WSCD1: variants seen among roughly 807,000 people sequenced by gnomAD.
WSCD1 encodes WSC domain sialate O sulfotransferase 1.
In WSCD1, 41 loss-of-function variants were observed where a neutral mutation model predicts 60.4. The observed-to-expected ratio is 0.68, with a 90% CI of 0.53 to 0.88. The LOEUF (loss-of-function observed/expected upper bound fraction) is 0.88. Ranked by LOEUF, WSCD1 falls within the 40% of genes least tolerant of loss-of-function variation. WSCD1 has a pLI of 0.00. For missense variants in WSCD1, 784 were observed against 796.2 expected (o/e 0.98, Z 0.18); for synonymous variants, 361 against 332.5 (o/e 1.09, Z -0.93).
Position 6,120,592 on chromosome 17 carries a change from C to A in WSCD1, c.1659C>A (p.Ile553=), listed in dbSNP as rs749964115. The change falls in exon 9 of 9, where the codon ATC becomes ATA. Residue 553 remains isoleucine, a synonymous_variant. Coordinates refer to ENST00000317744, the MANE Select transcript of WSCD1 (RefSeq NM_015253.2). ...PEMKDLINGY[I]RTVDQALRDH... ...TGAAAGACTTGATCAATGGCTACATCCGGACGGTGGACCAAGCCCTGCGTG... is the reference window on the plus strand; with the variant it reads ...TGAAAGACTTGATCAATGGCTACATACGGACGGTGGACCAAGCCCTGCGTG... 17 of 1,613,496 alleles carry A rather than the reference C, an allele frequency of 1.1e-5. No homozygotes were observed. Among genetic ancestry groups the A allele is most frequent in the Non-Finnish European group, 1.4e-5 (17 of 1,180,006 alleles).
At chr17:6,084,522 C>T (rs778998846) in intron 2 of WSCD1, among the ~76,000 whole-genome samples, 4 of 152,216 alleles carry the variant, frequency 2.6e-5, no homozygotes, top group Middle Eastern at 3.2e-3. Flanking sequence ...CTGTAAGGCG[C>T]GGAAGCTGCA....
At chr17:6,085,605 G>A (rs114952076) in intron 2 of WSCD1, among the ~76,000 whole-genome samples, 280 of 152,300 alleles carry the variant, frequency 1.8e-3, no homozygotes, top group African/African-American at 6.5e-3. Context: ...TACAGCCTGG[G>A]AAGCATGTAC....
At chr17:6,087,930 C>T in intron 2 of WSCD1, 60 bp from the exon 3 acceptor site, 1 of 1,427,766 alleles carries the variant, frequency 7.0e-7, no homozygotes, top group Non-Finnish European at 9.8e-7. Flanking sequence ...CCTGGCTTTT[C>T]CTAAGGGTGG....
rs1307294468 is a variant in WSCD1, at chr17:6,110,361, TC to T, written c.1010-408del. On this transcript the variant is annotated intron_variant, in intron 6 of 8. Transcript: ENST00000317744. This position sits in a 1 kb window ranked among gnomAD's most constrained non-coding sequence, Gnocchi z 4.8. The stretch of plus-strand genomic sequence containing the variant: ...TAACGAATGACTTGCCTGTCATTAG[TC>T]CAGCTCTGGTTTATTGTTGGCAGTA... 5.3e-5 allele frequency among the ~76,000 whole-genome samples: 8 copies of T among 152,182 alleles called. No homozygotes were observed. The highest frequency in any genetic ancestry group is 5.2e-4 in the Admixed American group (8 of 15,282).
Position 6,120,548 on chromosome 17 carries a change from G to T in WSCD1, c.1615G>T (p.Glu539Ter). Reference sequence around the variant, plus strand: ...GCGCGGCCGGCGCTCCCACGACCCTGAGCCCTTCACCCCGGAGATGAAAGA... The same window carrying T: ...GCGCGGCCGGCGCTCCCACGACCCTTAGCCCTTCACCCCGGAGATGAAAGA... The part of the protein sequence containing the change: ...RRRGRRSHDP[E>*]PFTPEMKDLI... Residue 539 changes from glutamate to a stop codon, truncating the protein, a stop_gained, in exon 9 of 9, where the codon GAG becomes TAG. Coordinates refer to ENST00000317744, the MANE Select transcript of WSCD1 (RefSeq NM_015253.2). LOFTEE classifies it high-confidence loss of function. 1 of 1,613,802 alleles carries T rather than the reference G, an allele frequency of 6.2e-7. No individual in the cohort carries two copies. Among genetic ancestry groups the T allele is most frequent in the Non-Finnish European group, 8.5e-7 (1 of 1,179,998 alleles).
intron 2 of WSCD1, 102 bp downstream of exon 2, chr17:6,081,187 G>A (rs189306869): frequency 7.6e-6 from 10 of 1,321,060 alleles, no homozygotes; most frequent in African/African-American, 5.9e-5. Context: ...GGCCTTCACC[G>A]CTAGATGGTT....
intron 2 of WSCD1, among the ~76,000 whole-genome samples, chr17:6,087,045 G>A (rs181436045): frequency 5.3e-5 from 8 of 152,316 alleles, no homozygotes; most frequent in African/African-American, 1.9e-4. Flanking sequence ...ACAGGTGCCC[G>A]ATCCAGATCT....
At chr17:6,098,678 T>G (rs1910606784) in intron 5 of WSCD1, among the ~76,000 whole-genome samples, 1 of 152,230 alleles carries the variant, frequency 6.6e-6, no homozygotes. Flanking sequence ...GGGTGGTGTT[T>G]CCTGAGTTCC....
chr17:6,077,619 T>C (rs1247075516), intron 1 of WSCD1, among the ~76,000 whole-genome samples: 2 of 152,188 alleles, frequency 1.3e-5, no homozygotes, highest in Non-Finnish European at 1.5e-5. Context: ...TGGGACCCTG[T>C]GTGAGATGTA....
At chr17:6,090,077 C>T (rs8080527) in intron 3 of WSCD1, among the ~76,000 whole-genome samples, 100,004 of 151,864 alleles carry the variant, frequency 0.66, 36,498 homozygotes, top group East Asian at 0.88. Flanking sequence ...GGAGTTATCC[C>T]TCTTATACAG....
At chr17:6,094,291 G>T (rs1426888695) in intron 4 of WSCD1, among the ~76,000 whole-genome samples, 1 of 152,190 alleles carries the variant, frequency 6.6e-6, no homozygotes, top group African/African-American at 2.4e-5. Context: ...ACATGGGCTT[G>T]AGGAGTTCCT....
In WSCD1 at chr17:6,121,066, C is replaced by A; in HGVS notation, c.*405C>A. 1 of 201,546 alleles carries A rather than the reference C, an allele frequency of 5.0e-6. No individual in the cohort carries two copies. The highest frequency in any genetic ancestry group is 1.0e-5 in the Non-Finnish European group (1 of 99,512). 12.5% of individuals were successfully genotyped at this position (201,546 alleles called of 1,614,324 possible). Reference sequence around the variant, plus strand: ...TCTCTCACACAGATACACGTGCGCTCCCTGGGATCCGGGAGGCCCTGGGCT... The same window carrying A: ...TCTCTCACACAGATACACGTGCGCTACCTGGGATCCGGGAGGCCCTGGGCT... On this transcript the variant is annotated 3_prime_UTR_variant, in exon 9 of 9. Coordinates refer to ENST00000317744, the MANE Select transcript of WSCD1 (RefSeq NM_015253.2).
intron 7 of WSCD1, among the ~76,000 whole-genome samples, chr17:6,115,412 T>C (rs1911636656): frequency 6.6e-6 from 1 of 152,240 alleles, no homozygotes; most frequent in Non-Finnish European, 1.5e-5. Flanking sequence ...TGATTTGTAA[T>C]CTTTCCCTTG....
At chr17:6,084,929 C>T (rs1265083441) in intron 2 of WSCD1, 1 of 152,134 alleles carries the variant, frequency 6.6e-6, no homozygotes, top group African/African-American at 2.4e-5. Context: ...CTTTTATCCC[C>T]GTCGCACACT....
intron 3 of WSCD1, among the ~76,000 whole-genome samples, chr17:6,088,739 G>T (rs558292214): frequency 6.6e-6 from 1 of 150,758 alleles, no homozygotes; most frequent in East Asian, 2.0e-4. Context: ...GGGTTAAACA[G>T]AATCAGACTT....
At position 6,110,211 on chromosome 17, in the gene WSCD1, G is replaced by A. The variant is rs1456487244; in HGVS notation, c.1009+445G>A. On this transcript the variant is annotated intron_variant, in intron 6 of 8. Transcript: ENST00000317744. The surrounding 1 kb of genome is among the most constrained non-coding windows in gnomAD (Gnocchi z 4.8). ...ACCTTAGGAACTGATGAAAGGAAGA[G>A]CCGGGGACGAGGGATGTTACCACCT... is the stretch of plus-strand genomic sequence containing the variant. Among the ~76,000 whole-genome samples, 1 of 152,156 alleles carries A rather than the reference G, an allele frequency of 6.6e-6. No individual in the cohort carries two copies.
intron 7 of WSCD1, among the ~76,000 whole-genome samples, 190 bp downstream of exon 7, chr17:6,111,125 C>T: frequency 6.6e-6 from 1 of 152,020 alleles, no homozygotes. Flanking sequence ...GCCTGGTGGT[C>T]CCCATCCACA....
At chr17:6,119,531 A>G (rs1904512660) in intron 8 of WSCD1, among the ~76,000 whole-genome samples, 1 of 152,186 alleles carries the variant, frequency 6.6e-6, no homozygotes, top group Admixed American at 6.5e-5. Context: ...GCTCCTGTCC[A>G]CTTGTTACTG....
At chr17:6,114,103 A>G (rs1911562283) in intron 7 of WSCD1, among the ~76,000 whole-genome samples, 1 of 151,072 alleles carries the variant, frequency 6.6e-6, no homozygotes, top group Non-Finnish European at 1.5e-5. Flanking sequence ...GTATCTATCA[A>G]TAGGTGAATT....
Sources: gnomAD v4.1 joint callset for allele counts (sites outside exome capture counted in the v4.1 genomes callset) on GRCh38, gnomAD v4.1.1 for gene constraint, Gnocchi (gnomAD v3.1) non-coding constraint, MANE v1.5 for transcripts, NCBI Gene and HGNC (gene_info 2026-07-23, HGNC 2026-07-21) for gene names.